The following POLR2E variants were observed in gnomAD, a reference collection of about 807,000 sequenced individuals.
POLR2E encodes the protein RNA polymerase II, I and III subunit E.
In POLR2E, 35 loss-of-function variants were observed where a neutral mutation model predicts 29.8. That is an observed-to-expected ratio of 1.17 (90% CI 0.90 to 1.55). The LOEUF is 1.55. POLR2E is among the 40% of genes most tolerant of loss of function. The pLI is 0.00. For missense variants in POLR2E, 287 were observed against 288.6 expected (o/e 0.99, Z 0.04); for synonymous variants, 174 against 112.6 (o/e 1.55, Z -3.45).
chr19:1,089,454 G>A lies in POLR2E; in HGVS notation c.*14+18C>T, dbSNP rs574292310. ...TGCCTCTGACCCCACCTCAGTGCCTGTCCCTCGGCCGTCTCACCTGTCAGG... is the reference window on the plus strand; with the variant it reads ...TGCCTCTGACCCCACCTCAGTGCCTATCCCTCGGCCGTCTCACCTGTCAGG... On this transcript the variant is annotated intron_variant, in intron 7 of 7. Transcript: ENST00000615234. 8.9e-6 allele frequency: 14 copies of A among 1,573,450 alleles called. No individual in the cohort carries two copies. The highest frequency in any genetic ancestry group is 1.1e-5 in the South Asian group (1 of 90,090).
chr19:1,094,311 C>T (rs987969857), intron 1 of POLR2E: 6 of 484,734 alleles, frequency 1.2e-5, no homozygotes, highest in African/African-American at 1.0e-4. Context: ...TGACCAAGAC[C>T]GTCTGTCCAC....
chr19:1,094,955 C>A, intron 1 of POLR2E: 1 of 488,730 alleles, frequency 2.0e-6, no homozygotes, highest in Non-Finnish European at 3.6e-6. Flanking sequence ...AGTCTGGGGG[C>A]GCCCCCCGTC....
At chr19:1,089,716 TGG>T (rs2043787793) in intron 6 of POLR2E, 165 bp from the exon 7 acceptor site, 2 of 782,654 alleles carry the variant, frequency 2.6e-6, no homozygotes, top group Non-Finnish European at 4.3e-6. Flanking sequence ...CGCTCTTCTC[TGG>T]GCCCAGTGGC....
At chr19:1,092,935 C>G (rs950606938) in intron 2 of POLR2E, among the ~76,000 whole-genome samples, 1 of 149,300 alleles carries the variant, frequency 6.7e-6, no homozygotes, top group Non-Finnish European at 1.5e-5. Context: ...CCTGTAATCC[C>G]AGCACTTTGG....
intron 2 of POLR2E, 105 bp from the exon 3 acceptor site, chr19:1,092,012 C>G (rs867062373): frequency 2.6e-5 from 20 of 766,684 alleles, no homozygotes; most frequent in Non-Finnish European, 4.1e-5. Context: ...ACACAGGTGT[C>G]TCTCCTGCTC....
chr19:1,091,689 G>A, intron 3 of POLR2E, 103 bp downstream of exon 3: 1 of 768,146 alleles, frequency 1.3e-6, no homozygotes, highest in East Asian at 2.6e-5. Context: ...CACCCTGGCT[G>A]GCCTGGCCCA....
chr19:1,089,577 C>G (rs57575311), intron 6 of POLR2E, 26 bp from the exon 7 acceptor site: 9 of 1,603,428 alleles, frequency 5.6e-6, no homozygotes, highest in Non-Finnish European at 7.7e-6. Context: ...GCAGGGGCTG[C>G]GAATGCTTGA....
chr19:1,093,543 G>A (rs984392976), intron 2 of POLR2E, among the ~76,000 whole-genome samples: 2 of 152,256 alleles, frequency 1.3e-5, no homozygotes, highest in Admixed American at 6.5e-5. Flanking sequence ...TGACCCAGAC[G>A]GGGCCTCCTG....
chr19:1,090,010 A>C, intron 5 of POLR2E, 48 bp from the exon 6 acceptor site: 14 of 882,202 alleles, frequency 1.6e-5, no homozygotes, highest in African/African-American at 2.6e-5. Context: ...TTGGGGGGGC[A>C]GGGGTGTGTG....
intron 3 of POLR2E, chr19:1,091,538 G>C: frequency 1.9e-6 from 1 of 526,344 alleles, no homozygotes; most frequent in Non-Finnish European, 3.5e-6. Flanking sequence ...CACAGGAGCT[G>C]GCGAGAGGCA....
chr19:1,087,564 C>G lies in POLR2E; in HGVS notation c.*1171G>C, dbSNP rs577028859. 6.6e-6 allele frequency: 1 copy of G among 152,072 alleles called. No homozygotes were observed. Among genetic ancestry groups the G allele is most frequent in the African/African-American group, 2.4e-5 (1 of 41,284 alleles). The allele number at this position is 152,072 out of a possible 1,614,324, so 9.4% of individuals were successfully genotyped here. A position where few individuals can be genotyped will look rare whatever the true frequency, so the allele number is the denominator to read the frequency against. ...CCATCCCCACCCAACTCCCCAGTCC[C>G]GGGAACCCCCATCCTACTTCCAGTC... On this transcript the variant is annotated 3_prime_UTR_variant, in exon 8 of 8. Transcript: ENST00000615234.
rs2043792214 is a variant in POLR2E at position 1,089,943 on chromosome 19, G to A, written c.508C>T (p.Leu170=). 2 of 1,612,588 alleles carry A rather than the reference G, an allele frequency of 1.2e-6. No homozygotes were observed. The highest frequency in any genetic ancestry group is 1.1e-5 in the South Asian group (1 of 91,062). The change falls in exon 6 of 8, where the codon CTG becomes TTG. Residue 170 remains leucine (L), a synonymous_variant. Coordinates refer to ENST00000615234, the MANE Select transcript of POLR2E (RefSeq NM_002695.5). ...LARYKLRENQ[L]PRIQAGDPVA... ...GGGTCCCCCGCCTGGATCCTGGGCA[G>A]CTGGTTCTCTCGGAGCTTACTGCGA...
Position 1,089,909 on chromosome 19 carries a change from C to A in POLR2E, c.542G>T (p.Arg181Leu). 2 of 1,612,636 alleles carry A rather than the reference C, an allele frequency of 1.2e-6. No homozygotes were observed. The highest frequency in any genetic ancestry group is 1.1e-5 in the South Asian group (1 of 91,050). Residue 181 changes from arginine (R) to leucine (L), a missense_variant, in exon 6 of 8, where the codon CGC (arginine) becomes CTC (leucine). Coordinates refer to ENST00000615234, the MANE Select transcript of POLR2E (RefSeq NM_002695.5). ...PRIQAGDPVARYFGIKRGQVV... is the reference protein window; with the variant it reads ...PRIQAGDPVALYFGIKRGQVV... ...CTGCCCACGCTTTATCCCAAAGTAGCGCGCCACAGGGTCCCCCGCCTGGAT... is the reference window on the plus strand; with the variant it reads ...CTGCCCACGCTTTATCCCAAAGTAGAGCGCCACAGGGTCCCCCGCCTGGAT...
At chr19:1,091,123 G>A (rs532612734) in intron 3 of POLR2E, 135 bp from the exon 4 acceptor site, 16 of 668,882 alleles carry the variant, frequency 2.4e-5, no homozygotes, top group South Asian at 1.7e-4. Flanking sequence ...AAACCCCACC[G>A]CCAGCCCAGG....
In POLR2E at chr19:1,089,874, C is replaced by G; in HGVS notation, c.567+10G>C. The stretch of plus-strand genomic sequence containing the variant: ...GCAGCCCCAGGGCCCCTTCTCCCCA[C>G]AGGGCTCACCTGCCCACGCTTTATC... On this transcript the variant is annotated intron_variant, in intron 6 of 7. Coordinates refer to ENST00000615234, the MANE Select transcript of POLR2E (RefSeq NM_002695.5). 6.2e-7 allele frequency: 1 copy of G among 1,608,238 alleles called. No homozygotes were observed. The highest frequency in any genetic ancestry group is 1.7e-5 in the Admixed American group (1 of 59,954).
intron 2 of POLR2E, 136 bp from the exon 3 acceptor site, chr19:1,092,043 G>A (rs2043844201): frequency 1.6e-6 from 1 of 632,422 alleles, no homozygotes; most frequent in Non-Finnish European, 2.9e-6. Context: ...TTCCGCGTTT[G>A]CAAAACGAGG....
rs749404150 is a variant in POLR2E at position 1,095,323 on chromosome 19, T to TCCG, written c.-11_-9dup. 2.9e-5 allele frequency: 47 copies of TCCG among 1,598,814 alleles called. 2 individuals carry two copies. The highest frequency in any genetic ancestry group is 1.7e-4 in the Middle Eastern group (1 of 6,028). On this transcript the variant is annotated 5_prime_UTR_variant, in exon 1 of 8. Transcript: ENST00000615234. ...CTCCTCCTCGTCGTCCATGGCAGCC[T>TCCG]CCGCCGCCGCCGCCGCTCGCACCCC...
intron 2 of POLR2E, chr19:1,093,629 G>A: frequency 1.4e-6 from 1 of 737,514 alleles, no homozygotes; most frequent in Non-Finnish European, 1.9e-6. Flanking sequence ...AAAGGACATG[G>A]GGGGCTGGGG....
rs1363166164 is a variant in POLR2E, at chr19:1,090,498, C to T, written c.430-353G>A. ...TTTTTTTTTTTGAGATGGAGTCTTG[C>T]TCTGTCTCCCAGGCTGGAGTGCAGT... On this transcript the variant is annotated intron_variant, in intron 4 of 7. Coordinates refer to ENST00000615234, the MANE Select transcript of POLR2E (RefSeq NM_002695.5). 4.0e-4 allele frequency among the ~76,000 whole-genome samples: 48 copies of T among 121,338 alleles called. 1 individual carries two copies. The Admixed American group carries it at 4.0e-3, about 10-fold the overall frequency. 79.6% of individuals were successfully genotyped at this position (121,338 alleles called of 152,430 possible). A position where few individuals can be genotyped will look rare whatever the true frequency, so the allele number is the denominator to read the frequency against.
Sources: gnomAD v4.1 joint callset for allele counts (sites outside exome capture counted in the v4.1 genomes callset) on GRCh38, gnomAD v4.1.1 for gene constraint, MANE v1.5 for transcripts, NCBI Gene and HGNC (gene_info 2026-07-23, HGNC 2026-07-21) for gene names.